Variants in NKAIN2 observed in about 807,000 individuals in gnomAD.
NKAIN2 encodes the protein sodium/potassium-transporting ATPase subunit beta-1-interacting protein 2.
NKAIN2 carries 14 observed loss-of-function variants against 32.6 expected under a neutral mutation model. That is an observed-to-expected ratio of 0.43 (90% CI 0.28 to 0.67). The LOEUF (loss-of-function observed/expected upper bound fraction) is 0.67. NKAIN2 is among the 30% of genes least tolerant of loss of function. NKAIN2 has a pLI of 0.17. For missense variants in NKAIN2, 198 were observed against 258.3 expected (o/e 0.77, Z 1.60); for synonymous variants, 80 against 87.2 (o/e 0.92, Z 0.46).
chr6:124,635,905 A>T (rs1194092678), intron 3 of NKAIN2, among the ~76,000 whole-genome samples: 1 of 152,074 alleles, frequency 6.6e-6, no homozygotes, highest in South Asian at 2.1e-4. Flanking sequence ...ATCAACAAAG[A>T]AACATTGGAC....
At chr6:124,716,685 C>T (rs1164770634) in intron 4 of NKAIN2, among the ~76,000 whole-genome samples, 1 of 152,126 alleles carries the variant, frequency 6.6e-6, no homozygotes, top group Non-Finnish European at 1.5e-5. Context: ...TAGCACCTGC[C>T]CTTCCCGCTG....
intron 1 of NKAIN2, among the ~76,000 whole-genome samples, chr6:123,922,902 G>T (rs941207075): frequency 6.6e-6 from 1 of 152,044 alleles, no homozygotes. Flanking sequence ...TAGAACTCAC[G>T]CAGGTTACTG....
intron 1 of NKAIN2, among the ~76,000 whole-genome samples, chr6:124,171,825 T>C (rs1312148813): frequency 1.3e-5 from 2 of 151,026 alleles, no homozygotes; most frequent in Non-Finnish European, 2.9e-5. Context: ...GTGCTAGGAT[T>C]ACAGGCGTGA....
intron 3 of NKAIN2, among the ~76,000 whole-genome samples, chr6:124,461,213 G>A (rs1358263241): frequency 1.3e-5 from 2 of 151,650 alleles, no homozygotes; most frequent in Non-Finnish European, 3.0e-5. Context: ...ACCTGGCTTC[G>A]AATGTGCTGG....
At chr6:124,553,868 A>G (rs991169311) in intron 3 of NKAIN2, among the ~76,000 whole-genome samples, 5 of 152,184 alleles carry the variant, frequency 3.3e-5, no homozygotes, top group African/African-American at 2.4e-5. Flanking sequence ...GGTGCTTTCT[A>G]TAACATTATT....
At chr6:124,621,811 T>C (rs1397144010) in intron 3 of NKAIN2, among the ~76,000 whole-genome samples, 1 of 152,160 alleles carries the variant, frequency 6.6e-6, no homozygotes, top group African/African-American at 2.4e-5. Flanking sequence ...ACTCTGCAGC[T>C]GGAGGCACTT....
intron 1 of NKAIN2, among the ~76,000 whole-genome samples, chr6:123,872,871 C>T (rs1298344358): frequency 6.6e-6 from 1 of 152,100 alleles, no homozygotes; most frequent in Non-Finnish European, 1.5e-5. Context: ...TTTAGCTCTC[C>T]AGGAAATTAA....
chr6:124,811,932 G>A (rs1253291956), intron 5 of NKAIN2, among the ~76,000 whole-genome samples: 1 of 152,042 alleles, frequency 6.6e-6, no homozygotes, highest in African/African-American at 2.4e-5. Context: ...CTCCGACAAG[G>A]CAGAGATTAA....
intron 4 of NKAIN2, among the ~76,000 whole-genome samples, chr6:124,781,605 T>A (rs1293933662): frequency 6.6e-6 from 1 of 152,176 alleles, no homozygotes; most frequent in East Asian, 1.9e-4. Flanking sequence ...ATAATGGTAT[T>A]GCTAGTAATT....
chr6:124,784,751 T>A (rs1779426169), intron 4 of NKAIN2, among the ~76,000 whole-genome samples: 1 of 152,166 alleles, frequency 6.6e-6, no homozygotes, highest in Admixed American at 6.5e-5. Flanking sequence ...CACTCCTGTG[T>A]AGGAGTGCAA....
chr6:124,243,710 A>G (rs2114783209), intron 1 of NKAIN2, among the ~76,000 whole-genome samples: 1 of 151,688 alleles, frequency 6.6e-6, no homozygotes, highest in Middle Eastern at 3.4e-3. Flanking sequence ...TTTTCCCTGC[A>G]CTTTCTCTGC....
At chr6:124,427,845 G>A (rs527601940) in intron 3 of NKAIN2, among the ~76,000 whole-genome samples, 13 of 152,072 alleles carry the variant, frequency 8.5e-5, no homozygotes, top group Non-Finnish European at 1.6e-4. Context: ...GAAATAGGTC[G>A]TTCGGGGCTA....
intron 1 of NKAIN2, among the ~76,000 whole-genome samples, chr6:124,281,134 C>T (rs954675618): frequency 3.3e-5 from 5 of 152,036 alleles, no homozygotes; most frequent in African/African-American, 1.2e-4. Context: ...GTGTTTCATC[C>T]TCTATACGTT....
At chr6:124,614,932 A>G (rs562272868) in intron 3 of NKAIN2, among the ~76,000 whole-genome samples, 1 of 152,350 alleles carries the variant, frequency 6.6e-6, no homozygotes, top group East Asian at 1.9e-4. Flanking sequence ...TTTACAAAGC[A>G]CCTTGAAGTC....
At chr6:124,030,163 C>T (rs1411253857) in intron 1 of NKAIN2, among the ~76,000 whole-genome samples, 2 of 152,156 alleles carry the variant, frequency 1.3e-5, no homozygotes, top group Non-Finnish European at 2.9e-5. Context: ...AAAACATGGT[C>T]AGGGCTCCCA....
Position 124,687,731 on chromosome 6 carries a change from A to G in NKAIN2, c.474+29345A>G, listed in dbSNP as rs946911683. Among the ~76,000 whole-genome samples the G allele has an allele frequency of 6.5e-3, 475 of 72,696 alleles. 5 individuals carry two copies. Among genetic ancestry groups the G allele is most frequent in the African/African-American group, 0.024 (464 of 18,970 alleles). The allele number at this position is 72,696 out of a possible 152,430, so 47.7% of individuals were successfully genotyped here. Reference sequence around the variant, plus strand: ...TGAATATAATATATATAATATAAATATATATGATATATACACACACACACA... The same window carrying G: ...TGAATATAATATATATAATATAAATGTATATGATATATACACACACACACA... On this transcript the variant is annotated intron_variant, in intron 4 of 6. Coordinates refer to ENST00000368417, the MANE Select transcript of NKAIN2 (RefSeq NM_001040214.3).
At chr6:123,967,651 C>T (rs1778146363) in intron 1 of NKAIN2, among the ~76,000 whole-genome samples, 1 of 152,036 alleles carries the variant, frequency 6.6e-6, no homozygotes, top group African/African-American at 2.4e-5. Flanking sequence ...AATGTAACAT[C>T]ACCCAATGTG....
chr6:124,236,776 G>A (rs1465695757), intron 1 of NKAIN2, among the ~76,000 whole-genome samples: 3 of 152,000 alleles, frequency 2.0e-5, no homozygotes, highest in Non-Finnish European at 4.4e-5. Flanking sequence ...AAGGTTTTGA[G>A]AGATTTTGAA....
In NKAIN2 at chr6:124,118,874, A is replaced by G. The variant is rs190808071; in HGVS notation, c.55-164131A>G. 2.0e-5 allele frequency among the ~76,000 whole-genome samples: 3 copies of G among 152,254 alleles called. No individual in the cohort carries two copies. In the East Asian group the frequency reaches 5.8e-4, roughly 29 times the overall value. ...TCTCAATTCTGCCTTTGTAGCATGA[A>G]AGAAACCATAGGTAATGTGTAAATG... On this transcript the variant is annotated intron_variant, in intron 1 of 6. Transcript: ENST00000368417.
Sources: gnomAD v4.1 joint callset for allele counts (sites outside exome capture counted in the v4.1 genomes callset) on GRCh38, gnomAD v4.1.1 for gene constraint, MANE v1.5 for transcripts, NCBI Gene and HGNC (gene_info 2026-07-23, HGNC 2026-07-21) for gene names.